Variants in SPATA21 observed in about 807,000 individuals in gnomAD.
The protein encoded by SPATA21 is spermatogenesis-associated protein 21.
SPATA21 carries 47 observed loss-of-function variants against 54.8 expected under a neutral mutation model. The observed-to-expected ratio is 0.86, with a 90% CI of 0.68 to 1.09. The LOEUF (loss-of-function observed/expected upper bound fraction) is 1.09, where lower values mean the gene tolerates loss of function less well. Among genes scored for constraint, SPATA21 ranks in the 50% least tolerant of loss-of-function variants. SPATA21 has a pLI of 0.00. For missense variants in SPATA21, 599 were observed against 596.4 expected (o/e 1.00, Z -0.05); for synonymous variants, 245 against 235.3 (o/e 1.04, Z -0.38).
At chr1:16,397,857 G>T, downstream of SPATA21, 1 of 323,638 alleles carries the variant, frequency 3.1e-6, no homozygotes, top group Non-Finnish European at 4.4e-6. This position sits in a 1 kb window ranked among gnomAD's most constrained non-coding sequence, Gnocchi z 5.4. Context: ...ATCTGGGGGT[G>T]CCCTGCTCAG....
At chr1:16,436,774 T>C (rs888891618) in intron 1 of SPATA21, among the ~76,000 whole-genome samples, 5 of 147,442 alleles carry the variant, frequency 3.4e-5, no homozygotes, top group African/African-American at 1.3e-4. Flanking sequence ...TCAAAAAAAA[T>C]TACTAATGTA....
At chr1:16,400,377 A>G in intron 11 of SPATA21, 1 of 896,974 alleles carries the variant, frequency 1.1e-6, no homozygotes, top group Non-Finnish European at 1.3e-6. Context: ...ATTAAATTCT[A>G]GAGCATCTGC....
chr1:16,431,690 C>T (rs375764158), intron 2 of SPATA21, among the ~76,000 whole-genome samples: 61 of 152,320 alleles, frequency 4.0e-4, no homozygotes, highest in African/African-American at 1.4e-3. Flanking sequence ...AGGTCGCAGA[C>T]GAGGATTTGA....
At chr1:16,416,289 G>C (rs140934372) in intron 5 of SPATA21, among the ~76,000 whole-genome samples, 3 of 152,288 alleles carry the variant, frequency 2.0e-5, no homozygotes, top group Non-Finnish European at 4.4e-5. Context: ...TTCACTCCAC[G>C]ACTGTGCAGG....
intron 3 of SPATA21, 139 bp downstream of exon 3, chr1:16,431,199 C>A (rs748115067): frequency 6.5e-7 from 1 of 1,534,612 alleles, no homozygotes; most frequent in Non-Finnish European, 8.8e-7. Flanking sequence ...GGAAAGGTGC[C>A]AGCTAGGAGT....
At chr1:16,406,329 C>T (rs1364057842) in intron 7 of SPATA21, among the ~76,000 whole-genome samples, 1 of 152,184 alleles carries the variant, frequency 6.6e-6, no homozygotes, top group Non-Finnish European at 1.5e-5. Context: ...TGTTGAAGCC[C>T]TAACTCCAGT....
chr1:16,405,110 G>A lies in SPATA21; in HGVS notation c.674-6C>T, dbSNP rs1261530127. ...CTCAAAGTAGCTGCGGAAGGCTGTGGGGAGGGCAGGGTTATGTGGAGTGGG... is the reference window on the plus strand; with the variant it reads ...CTCAAAGTAGCTGCGGAAGGCTGTGAGGAGGGCAGGGTTATGTGGAGTGGG... On this transcript the variant is annotated splice_polypyrimidine_tract_variant and splice_region_variant and intron_variant, in intron 7 of 12. Coordinates refer to ENST00000335496, the MANE Select transcript of SPATA21 (RefSeq NM_198546.1). 6.2e-7 allele frequency: 1 copy of A among 1,608,384 alleles called. No homozygotes were observed. Among genetic ancestry groups the A allele is most frequent in the Non-Finnish European group, 8.5e-7 (1 of 1,177,838 alleles).
rs1570221611 is a variant in SPATA21 at position 16,431,400 on chromosome 1, G to A, written c.-29C>T. 6.2e-7 allele frequency: 1 copy of A among 1,613,756 alleles called. No individual in the cohort carries two copies. The highest frequency in any genetic ancestry group is 1.6e-4 in the Middle Eastern group (1 of 6,062). Reference sequence around the variant, plus strand: ...GCCAGCGCCAACACGGGTGCCAAGTGAGGGGCATCACCTAGTGTGCTCCTA... The same window carrying A: ...GCCAGCGCCAACACGGGTGCCAAGTAAGGGGCATCACCTAGTGTGCTCCTA... On this transcript the variant is annotated 5_prime_UTR_variant, in exon 3 of 13. Coordinates refer to ENST00000335496, the MANE Select transcript of SPATA21 (RefSeq NM_198546.1).
intron 11 of SPATA21, 120 bp downstream of exon 11, chr1:16,400,600 G>C: frequency 1.3e-6 from 2 of 1,497,438 alleles, no homozygotes; most frequent in Non-Finnish European, 1.8e-6. Flanking sequence ...AGCCCGAAGT[G>C]GGAAACTGGC....
At chr1:16,406,613 A>T (rs1421487770) in intron 7 of SPATA21, among the ~76,000 whole-genome samples, 1 of 152,136 alleles carries the variant, frequency 6.6e-6, no homozygotes, top group African/African-American at 2.4e-5. Flanking sequence ...ACAGTGGCAC[A>T]TGCCTGTAGT....
rs901399346 is a variant in SPATA21 at position 16,432,105 on chromosome 1, C to T, written c.-51-683G>A. On this transcript the variant is annotated intron_variant, in intron 2 of 12. Transcript: ENST00000335496. ...TTCTTTTTCTTTTTCTTTTCTTCTT[C>T]TTCTTCTTCTTTTTTTTTTTTTTTT... is the stretch of plus-strand genomic sequence containing the variant. Among the ~76,000 whole-genome samples, 7 of 137,298 alleles carry T rather than the reference C, an allele frequency of 5.1e-5. No individual in the cohort carries two copies. The East Asian group carries it at 1.0e-3, about 20-fold the overall frequency. The allele number at this position is 137,298 out of a possible 152,430, so 90.1% of individuals were successfully genotyped here.
chr1:16,424,100 A>G (rs1214208848), intron 3 of SPATA21, among the ~76,000 whole-genome samples: 1 of 150,856 alleles, frequency 6.6e-6, no homozygotes, highest in Non-Finnish European at 1.5e-5. Context: ...TAAATTGTAC[A>G]CTTAAAGTAT....
chr1:16,403,036 T>C (rs2085503636), intron 10 of SPATA21, among the ~76,000 whole-genome samples: 1 of 152,218 alleles, frequency 6.6e-6, no homozygotes, highest in African/African-American at 2.4e-5. Flanking sequence ...GAAATTGCTA[T>C]TTGAAGGTCA....
At position 16,400,708 on chromosome 1, in the gene SPATA21, C is replaced by T; in HGVS notation, c.1174+12G>A. The T allele has an allele frequency of 1.2e-6, 2 of 1,609,002 alleles. No individual in the cohort carries two copies. Among genetic ancestry groups the T allele is most frequent in the African/African-American group, 1.3e-5 (1 of 74,802 alleles). On this transcript the variant is annotated intron_variant, in intron 11 of 12. Transcript: ENST00000335496. Reference sequence around the variant, plus strand: ...CAACCCTAGCCCATCCCACCCTGCCCAGGGCCCTCACCATAGTTCTGCTGC... The same window carrying T: ...CAACCCTAGCCCATCCCACCCTGCCTAGGGCCCTCACCATAGTTCTGCTGC...
chr1:16,425,664 C>T (rs1442383297), intron 3 of SPATA21: 4 of 1,550,316 alleles, frequency 2.6e-6, no homozygotes, highest in Non-Finnish European at 3.5e-6. Flanking sequence ...AACCCCAGCT[C>T]ACTCTGATCC....
chr1:16,412,322 C>T (rs1331248472), intron 5 of SPATA21, among the ~76,000 whole-genome samples: 2 of 152,194 alleles, frequency 1.3e-5, no homozygotes, highest in African/African-American at 2.4e-5. Context: ...AAAGCAGAGA[C>T]CCCAGGTTCC....
At position 16,428,653 on chromosome 1, in the gene SPATA21, G is replaced by T. The variant is rs945661905; in HGVS notation, c.34+2685C>A. Among the ~76,000 whole-genome samples, 1 of 152,050 alleles carries T rather than the reference G, an allele frequency of 6.6e-6. No individual in the cohort carries two copies. Among genetic ancestry groups the T allele is most frequent in the Non-Finnish European group, 1.5e-5 (1 of 68,022 alleles). ...AGCCTCCCAAAGTGCTGGGATTACA[G>T]GCATGAGGCACCGCACCTGGCCTGA... On this transcript the variant is annotated intron_variant, in intron 3 of 12. Coordinates refer to ENST00000335496, the MANE Select transcript of SPATA21 (RefSeq NM_198546.1). This position sits in a 1 kb window ranked among gnomAD's most constrained non-coding sequence, Gnocchi z 4.3.
chr1:16,432,128 T>G (rs1466643229), intron 2 of SPATA21, among the ~76,000 whole-genome samples: 1 of 149,454 alleles, frequency 6.7e-6, no homozygotes, highest in Non-Finnish European at 1.5e-5. Context: ...TTTTTTTTTT[T>G]TTGTTTGTTT....
intron 3 of SPATA21, chr1:16,425,265 C>G: frequency 1.6e-6 from 1 of 627,272 alleles, no homozygotes; most frequent in South Asian, 1.5e-5. Context: ...GCCCAGTGAC[C>G]CACAGACTGA....
Sources: allele counts gnomAD v4.1 joint callset (sites outside exome capture counted in the v4.1 genomes callset), GRCh38; gene constraint gnomAD v4.1.1; non-coding constraint Gnocchi (gnomAD v3.1); transcripts MANE v1.5; gene names NCBI Gene and HGNC (gene_info 2026-07-23, HGNC 2026-07-21).